MLXIP: variants seen among roughly 807,000 people sequenced by gnomAD.
MLXIP encodes the protein MLX-interacting protein.
Under a neutral mutation model 87.2 loss-of-function variants are expected in MLXIP, and 30 were observed. The observed-to-expected ratio is 0.34, with a 90% CI of 0.26 to 0.47. The LOEUF is 0.47. MLXIP is among the 20% of genes least tolerant of loss of function. The pLI, the probability that MLXIP is intolerant of heterozygous loss-of-function variation, is 1.00. For missense variants in MLXIP, 1,002 were observed against 1,240.1 expected (o/e 0.81, Z 2.88); for synonymous variants, 530 against 514.0 (o/e 1.03, Z -0.42).
intron 1 of MLXIP, among the ~76,000 whole-genome samples, chr12:122,089,657 G>A (rs905086893): frequency 1.3e-5 from 2 of 152,136 alleles, no homozygotes; most frequent in African/African-American, 4.8e-5. Context: ...CATTGTCACA[G>A]CCCAGTGCTG....
At chr12:122,139,321 T>C (rs1445662202) in intron 15 of MLXIP, among the ~76,000 whole-genome samples, 1 of 152,214 alleles carries the variant, frequency 6.6e-6, no homozygotes. Context: ...CCACCCCTGC[T>C]GTGACAGGCG....
intron 1 of MLXIP, among the ~76,000 whole-genome samples, chr12:122,118,552 C>T (rs879514336): frequency 3.9e-5 from 6 of 152,084 alleles, no homozygotes; most frequent in Admixed American, 2.6e-4. Context: ...TGAATATAAA[C>T]GGTAGCCATA....
chr12:122,137,639 C>T lies in MLXIP; in HGVS notation c.2154+49C>T. 1 of 1,592,498 alleles carries T rather than the reference C, an allele frequency of 6.3e-7. No individual in the cohort carries two copies. Among genetic ancestry groups the T allele is most frequent in the Non-Finnish European group, 8.5e-7 (1 of 1,170,368 alleles). ...CCCTTGGGAGGAGGGGAGAGGAGTG[C>T]AGGACATCAAGGATCTGTGTCTTGT... On this transcript the variant is annotated intron_variant, in intron 12 of 16. Transcript: ENST00000319080. This position sits in a 1 kb window ranked among gnomAD's most constrained non-coding sequence, Gnocchi z 4.1.
At position 122,132,380 on chromosome 12, in the gene MLXIP, A is replaced by G; in HGVS notation, c.1089A>G (p.Ala363=). ...TACCAGATCCCAACAACCCACCTGCACAGGTAGAGGAAGCTGGGGGATGGG... is the reference window on the plus strand; with the variant it reads ...TACCAGATCCCAACAACCCACCTGCGCAGGTAGAGGAAGCTGGGGGATGGG... The part of the protein sequence containing the change: ...APVPDPNNPP[A]QESILPTTAL... The change falls in exon 8 of 17, where the codon GCA becomes GCG. Residue 363 remains alanine, a synonymous_variant. Transcript: ENST00000319080. The G allele has an allele frequency of 6.2e-7, 1 of 1,610,028 alleles. No homozygotes were observed. The highest frequency in any genetic ancestry group is 8.5e-7 in the Non-Finnish European group (1 of 1,177,698).
intron 14 of MLXIP, 27 bp from the exon 15 acceptor site, chr12:122,138,788 C>T: frequency 6.2e-7 from 1 of 1,609,764 alleles, no homozygotes; most frequent in Admixed American, 1.7e-5. Flanking sequence ...GGCTGCTCCA[C>T]AGCTCCCACG....
At chr12:122,081,052 T>C (rs764579198) in intron 1 of MLXIP, among the ~76,000 whole-genome samples, 4 of 152,162 alleles carry the variant, frequency 2.6e-5, no homozygotes, top group Non-Finnish European at 5.9e-5. Context: ...CCTAAAGGCT[T>C]ATTAAACAAC....
chr12:122,114,280 C>T (rs1188971481), intron 1 of MLXIP, among the ~76,000 whole-genome samples: 1 of 152,240 alleles, frequency 6.6e-6, no homozygotes, highest in Non-Finnish European at 1.5e-5. Context: ...GCCACTGCGC[C>T]TGGCTGACTG....
At chr12:122,132,222 CT>C (rs1952994189) in intron 7 of MLXIP, 69 bp from the exon 8 acceptor site, 1 of 1,268,736 alleles carries the variant, frequency 7.9e-7, no homozygotes, top group East Asian at 2.5e-5. Flanking sequence ...GTGCCTGGCC[CT>C]GTTTGAGTCT....
chr12:122,114,805 G>A (rs1212405482), intron 1 of MLXIP, among the ~76,000 whole-genome samples: 1 of 151,148 alleles, frequency 6.6e-6, no homozygotes, highest in Non-Finnish European at 1.5e-5. Flanking sequence ...GAGTGCGGTG[G>A]CACGATCTCG....
chr12:122,135,581 C>G lies in MLXIP; in HGVS notation c.1947C>G (p.Phe649Leu), dbSNP rs1384314749. The change falls in exon 11 of 17, where the codon TTC becomes TTG. Residue 649 changes from phenylalanine to leucine, a missense_variant. Physicochemically the swap from Phe to Leu is conservative, Grantham distance 22. This residue lies in a region of MLXIP where 746 missense variants were observed against 897.0 expected (regional missense o/e 0.83). Transcript: ENST00000319080. This position sits in a 1 kb window ranked among gnomAD's most constrained non-coding sequence, Gnocchi z 5.3. ...SSPPAPVSRL[F>L]PSTAQDPLGK... ...CGCCTGCCCCCGTCTCCCGGCTCTT[C>G]CCAAGCACAGCGCAAGACCCCCTGG... 3 of 1,595,946 alleles carry G rather than the reference C, an allele frequency of 1.9e-6. No individual in the cohort carries two copies. Among genetic ancestry groups the G allele is most frequent in the East Asian group, 2.3e-5 (1 of 43,958 alleles).
intron 15 of MLXIP, 82 bp from the exon 16 acceptor site, chr12:122,140,872 G>A (rs896810123): frequency 1.2e-6 from 2 of 1,603,478 alleles, no homozygotes; most frequent in Non-Finnish European, 1.7e-6. Context: ...CAGGGGAAAG[G>A]AGTACGCCAG....
chr12:122,090,566 GTTATAA>G (rs1952231622), intron 1 of MLXIP, among the ~76,000 whole-genome samples: 1 of 151,978 alleles, frequency 6.6e-6, no homozygotes, highest in Non-Finnish European at 1.5e-5. Flanking sequence ...TGGCTTAGTA[GTTATAA>G]TTGTAAGAAT....
intron 1 of MLXIP, among the ~76,000 whole-genome samples, chr12:122,094,531 TGTGGTGTGTTG>T: frequency 7.5e-6 from 1 of 133,382 alleles, no homozygotes; most frequent in Non-Finnish European, 1.6e-5. Flanking sequence ...GTGTGTTGTG[TGTGGTGTGTTG>T]GTGTGTGGGT....
rs1416262618 is a variant in MLXIP at position 122,147,274 on chromosome 12, C to T, written c.*5462C>T. On this transcript the variant is annotated 3_prime_UTR_variant, in exon 17 of 17. Coordinates refer to ENST00000319080, the MANE Select transcript of MLXIP (RefSeq NM_014938.6). ...GAAGCACGTTTCCACCAGCTGTATT[C>T]AACACTACAATGCATTTTTTAAACT... The T allele has an allele frequency of 6.6e-6, 1 of 152,164 alleles. No individual in the cohort carries two copies. The highest frequency in any genetic ancestry group is 1.5e-5 in the Non-Finnish European group (1 of 68,030). 9.4% of individuals were successfully genotyped at this position (152,164 alleles called of 1,614,324 possible). A position where few individuals can be genotyped will look rare whatever the true frequency, so the allele number is the denominator to read the frequency against.
chr12:122,079,682 T>C (rs1388765378), intron 1 of MLXIP, among the ~76,000 whole-genome samples: 1 of 152,224 alleles, frequency 6.6e-6, no homozygotes, highest in African/African-American at 2.4e-5. Flanking sequence ...CTCTGCTGTT[T>C]AATGGTTGTG....
chr12:122,123,240 C>T (rs1264976491), intron 1 of MLXIP, among the ~76,000 whole-genome samples: 2 of 152,184 alleles, frequency 1.3e-5, no homozygotes, highest in Non-Finnish European at 2.9e-5. Flanking sequence ...CAGAACTTCA[C>T]GCGTTGCCTC....
At position 122,120,003 on chromosome 12, in the gene MLXIP, C is replaced by T. The variant is rs551808463; in HGVS notation, c.414-7253C>T. 7.9e-5 allele frequency among the ~76,000 whole-genome samples: 12 copies of T among 152,292 alleles called. 1 individual carries two copies. The South Asian group carries it at 1.0e-3, about 13-fold the overall frequency. ...GCTCTAAACTGATTGGGAAGTAAAA[C>T]GGAGGAATCACTTTGTAGCAGCGCT... is the stretch of plus-strand genomic sequence containing the variant. On this transcript the variant is annotated intron_variant, in intron 1 of 16. Transcript: ENST00000319080.
chr12:122,133,330 C>T lies in MLXIP; in HGVS notation c.1093-18C>T. 1 of 1,538,418 alleles carries T rather than the reference C, an allele frequency of 6.5e-7. No individual in the cohort carries two copies. Among genetic ancestry groups the T allele is most frequent in the South Asian group, 1.3e-5 (1 of 79,634 alleles). ...CTGACCCCAGCATTGCTTCCTGGCT[C>T]CTTTCTTCCTTTTTCAGGAGAGCAT... On this transcript the variant is annotated intron_variant, in intron 8 of 16. Transcript: ENST00000319080. This position sits in a 1 kb window ranked among gnomAD's most constrained non-coding sequence, Gnocchi z 4.9.
chr12:122,130,036 G>T lies in MLXIP; in HGVS notation c.834G>T (p.Met278Ile), dbSNP rs761131463. The T allele has an allele frequency of 6.2e-7, 1 of 1,613,882 alleles. No individual in the cohort carries two copies. The change falls in exon 6 of 17, where the codon ATG (methionine) becomes ATT (isoleucine). Residue 278 changes from methionine (M) to isoleucine (I), a missense_variant. By Grantham distance (10) the Met-to-Ile change is conservative (BLOSUM62 1). Around this residue, in one of 3 missense-constraint regions of MLXIP, gnomAD observed 746 missense variants for 897.0 expected, o/e 0.83. Coordinates refer to ENST00000319080, the MANE Select transcript of MLXIP (RefSeq NM_014938.6). ...CCCTGCTGGACACAGACATGCTCAT[G>T]TCGGAATTCAGCGACACCCTCTTCT... ...EDPLLDTDML[M>I]SEFSDTLFST... is the part of the protein sequence containing the mutation.
Sources: gnomAD v4.1 joint callset for allele counts (sites outside exome capture counted in the v4.1 genomes callset) on GRCh38, gnomAD v4.1.1 for gene constraint, gnomAD v4.1.1 regional missense constraint, Gnocchi (gnomAD v3.1) non-coding constraint, MANE v1.5 for transcripts, NCBI Gene and HGNC (gene_info 2026-07-23, HGNC 2026-07-21) for gene names.